KAT14: variants seen among roughly 807,000 people sequenced by gnomAD.
The protein encoded by KAT14 is lysine acetyltransferase 14, also known as cysteine-rich protein 2-binding protein.
Under a neutral mutation model 78.4 loss-of-function variants are expected in KAT14, and 66 were observed. The observed-to-expected ratio is 0.84, with a 90% CI of 0.69 to 1.03. The LOEUF is 1.03. Among genes scored for constraint, KAT14 ranks in the 50% least tolerant of loss-of-function variants. The pLI, the probability that KAT14 is intolerant of heterozygous loss-of-function variation, is 0.00. For missense variants in KAT14, 870 were observed against 972.5 expected (o/e 0.89, Z 1.40); for synonymous variants, 344 against 359.4 (o/e 0.96, Z 0.48).
rs1162396229 is a variant in KAT14, at chr20:18,159,066, A to C, written c.501-18A>C. ...TGAGCAAAAGTGCCAATCATTTTTA[A>C]ATTCTTGGACTCTTTAGGAAAAAGA... On this transcript the variant is annotated intron_variant, in intron 4 of 10. Transcript: ENST00000688188. 1 of 1,583,032 alleles carries C rather than the reference A, an allele frequency of 6.3e-7. No individual in the cohort carries two copies. Among genetic ancestry groups the C allele is most frequent in the East Asian group, 2.2e-5 (1 of 44,628 alleles).
intron 7 of KAT14, among the ~76,000 whole-genome samples, chr20:18,167,880 G>A (rs1414013876): frequency 7.3e-6 from 1 of 137,412 alleles, no homozygotes; most frequent in African/African-American, 2.8e-5. Flanking sequence ...ATATCATGTG[G>A]TTGTCCCCCC....
chr20:18,169,671 G>A (rs1258323571), intron 7 of KAT14, among the ~76,000 whole-genome samples: 1 of 152,148 alleles, frequency 6.6e-6, no homozygotes, highest in Non-Finnish European at 1.5e-5. Context: ...CCCTACAATG[G>A]CTTTTAAGTG....
chr20:18,139,466 C>T (rs1481896706), intron 1 of KAT14, among the ~76,000 whole-genome samples: 1 of 152,136 alleles, frequency 6.6e-6, no homozygotes, highest in Non-Finnish European at 1.5e-5. Context: ...GTGACTAAGG[C>T]TTGGTCCCCA....
intron 7 of KAT14, among the ~76,000 whole-genome samples, chr20:18,172,264 G>A (rs1752175936): frequency 6.6e-6 from 1 of 151,992 alleles, no homozygotes; most frequent in South Asian, 2.1e-4. Context: ...ACCACGCCCA[G>A]CTAATTTTTG....
intron 3 of KAT14, among the ~76,000 whole-genome samples, chr20:18,149,984 C>G (rs963109276): frequency 2.0e-5 from 3 of 152,128 alleles, no homozygotes; most frequent in Non-Finnish European, 4.4e-5. Context: ...AAAAAAACAT[C>G]TATATGAGTA....
chr20:18,181,364 CTTTTTTTTT>C (rs762890490), intron 7 of KAT14, among the ~76,000 whole-genome samples: 1 of 106,800 alleles, frequency 9.4e-6, no homozygotes, highest in Non-Finnish European at 1.9e-5. Context: ...AATTTTGTTT[CTTTTTTTTT>C]TTTTTTTTTT....
chr20:18,178,107 C>CAAA (rs60187771), intron 7 of KAT14, among the ~76,000 whole-genome samples: 92 of 144,786 alleles, frequency 6.4e-4, no homozygotes, highest in Admixed American at 1.7e-3. Flanking sequence ...GACTCTATCT[C>CAAA]AAAAAAAAAA....
At chr20:18,172,600 A>G (rs2038887686) in intron 7 of KAT14, among the ~76,000 whole-genome samples, 1 of 152,122 alleles carries the variant, frequency 6.6e-6, no homozygotes, top group African/African-American at 2.4e-5. Flanking sequence ...TGGGACACCA[A>G]AAACTTGTGC....
chr20:18,174,393 T>C (rs371355557), intron 7 of KAT14, among the ~76,000 whole-genome samples: 5 of 152,238 alleles, frequency 3.3e-5, no homozygotes, highest in African/African-American at 1.2e-4. Context: ...ATTGCTAGAC[T>C]GTCTTCCAAA....
intron 5 of KAT14, among the ~76,000 whole-genome samples, chr20:18,160,616 T>G (rs1454433852): frequency 6.6e-6 from 1 of 152,164 alleles, no homozygotes; most frequent in Non-Finnish European, 1.5e-5. Flanking sequence ...ATTAAAACAT[T>G]TTTAAAAAGT....
At chr20:18,180,210 T>G (rs2146520792) in intron 7 of KAT14, among the ~76,000 whole-genome samples, 1 of 152,290 alleles carries the variant, frequency 6.6e-6, no homozygotes, top group South Asian at 2.1e-4. Context: ...AGAAATTTCT[T>G]CCACCAGATA....
rs1302119083 is a variant in KAT14, at chr20:18,161,913, A to G, written c.773A>G (p.Lys258Arg). 1 of 1,614,244 alleles carries G rather than the reference A, an allele frequency of 6.2e-7. No homozygotes were observed. Among genetic ancestry groups the G allele is most frequent in the Non-Finnish European group, 8.5e-7 (1 of 1,180,040 alleles). The change falls in exon 6 of 11, where the codon AAA becomes AGA. Residue 258 changes from lysine (K) to arginine (R), a missense_variant. By Grantham distance (26) the Lys-to-Arg change is conservative. Transcript: ENST00000688188. ...CCTGTGGAATCTGCCATGGAATTAA[A>G]AGAGAAAAGGTCTCGAACTCAGGAA... ...RNPVESAMELKEKRSRTQEAK... is the reference protein window; with the variant it reads ...RNPVESAMELREKRSRTQEAK...
intron 1 of KAT14, among the ~76,000 whole-genome samples, chr20:18,141,497 T>C (rs2037577449): frequency 6.6e-6 from 1 of 152,226 alleles, no homozygotes; most frequent in Non-Finnish European, 1.5e-5. Context: ...TGTTTATTGT[T>C]CAGCTAGGAT....
chr20:18,150,942 G>A lies in KAT14; in HGVS notation c.500G>A (p.Arg167Lys), dbSNP rs1461658488. Residue 167 changes from arginine to lysine, a missense_variant and splice_region_variant, in exon 4 of 11, where the codon AGG becomes AAG. Arg to Lys is a conservative substitution (Grantham distance 26). Transcript: ENST00000688188. Reference sequence around the variant, plus strand: ...CATTGGACTTTTTTACTAGGGAATAGGTAATGTGTTTTTAAAAAATCTTAT... The same window carrying A: ...CATTGGACTTTTTTACTAGGGAATAAGTAATGTGTTTTTAAAAAATCTTAT... ...EKHWTFLLGNRKKTSTWWSTV... is the reference protein window; with the variant it reads ...EKHWTFLLGNKKKTSTWWSTV... 6.2e-7 allele frequency: 1 copy of A among 1,613,532 alleles called. No homozygotes were observed. The highest frequency in any genetic ancestry group is 8.5e-7 in the Non-Finnish European group (1 of 1,179,764).
intron 4 of KAT14, among the ~76,000 whole-genome samples, chr20:18,151,738 T>A (rs2038050095): frequency 6.6e-6 from 1 of 151,726 alleles, no homozygotes; most frequent in African/African-American, 2.4e-5. Context: ...GCGCAGTGGC[T>A]CATGCCTGTA....
intron 9 of KAT14, chr20:18,183,652 A>G (rs2039348370): frequency 3.6e-6 from 2 of 551,794 alleles, no homozygotes; most frequent in African/African-American, 2.0e-5. Flanking sequence ...TGGCTTAATA[A>G]TTCTTTATGT....
intron 3 of KAT14, among the ~76,000 whole-genome samples, 194 bp from the exon 4 acceptor site, chr20:18,150,627 T>G (rs2037997077): frequency 6.6e-6 from 1 of 152,152 alleles, no homozygotes; most frequent in Non-Finnish European, 1.5e-5. Context: ...TTAAGTGGAT[T>G]AGTGATAATC....
At chr20:18,140,759 C>G (rs992369830) in intron 1 of KAT14, among the ~76,000 whole-genome samples, 3 of 133,902 alleles carry the variant, frequency 2.2e-5, no homozygotes, top group African/African-American at 5.7e-5. Context: ...TTGCAGTGAG[C>G]TAAGATCGTG....
chr20:18,184,504 AGC>A, intron 9 of KAT14, 96 bp from the exon 10 acceptor site: 1 of 560,598 alleles, frequency 1.8e-6, no homozygotes, highest in African/African-American at 3.2e-5. Flanking sequence ...TTTTTTTTTT[AGC>A]ATGCAGGTGT....
Sources: gnomAD v4.1 joint callset for allele counts (sites outside exome capture counted in the v4.1 genomes callset) on GRCh38, gnomAD v4.1.1 for gene constraint, MANE v1.5 for transcripts, NCBI Gene and HGNC (gene_info 2026-07-23, HGNC 2026-07-21) for gene names.